EPB41L5: variants seen among roughly 807,000 people sequenced by gnomAD.
EPB41L5 encodes the protein band 4.1-like protein 5.
Under a neutral mutation model 106.6 loss-of-function variants are expected in EPB41L5, and 55 were observed. That is an observed-to-expected ratio of 0.52 (90% CI 0.42 to 0.65). EPB41L5 has a LOEUF of 0.65. EPB41L5 is among the 30% of genes least tolerant of loss of function. The pLI is 0.00. For missense variants in EPB41L5, 871 were observed against 882.1 expected, an observed-to-expected ratio of 0.99 and a Z score of 0.16; for synonymous variants, 297 against 306.7, an observed-to-expected ratio of 0.97 and a Z score of 0.33.
At chr2:120,040,116 TAAA>T (rs200451957) in intron 2 of EPB41L5, among the ~76,000 whole-genome samples, 1 of 150,970 alleles carries the variant, frequency 6.6e-6, no homozygotes, top group South Asian at 2.1e-4. Flanking sequence ...TAATATGTGC[TAAA>T]AAAAAGATGG....
intron 21 of EPB41L5, among the ~76,000 whole-genome samples, chr2:120,164,131 C>T (rs1193879959): frequency 1.3e-5 from 2 of 151,440 alleles, no homozygotes; most frequent in Admixed American, 1.3e-4. Flanking sequence ...TATAGGTGCC[C>T]GCAACCACGC....
chr2:120,063,582 C>A (rs191866800), intron 3 of EPB41L5, among the ~76,000 whole-genome samples: 23 of 152,110 alleles, frequency 1.5e-4, no homozygotes, highest in African/African-American at 5.1e-4. Flanking sequence ...GTATACCAAA[C>A]CCCCATGACA....
chr2:120,133,727 T>C (rs982553073), intron 18 of EPB41L5, among the ~76,000 whole-genome samples: 1 of 152,138 alleles, frequency 6.6e-6, no homozygotes, highest in Non-Finnish European at 1.5e-5. Flanking sequence ...TGTGCTGGGC[T>C]CAGAGCCAGT....
chr2:120,150,002 C>G (rs1055609055), intron 20 of EPB41L5, among the ~76,000 whole-genome samples: 2 of 151,696 alleles, frequency 1.3e-5, no homozygotes, highest in Non-Finnish European at 2.9e-5. Context: ...AAACGATCCT[C>G]CCACCTGAGC....
intron 3 of EPB41L5, among the ~76,000 whole-genome samples, chr2:120,057,051 G>A (rs552103939): frequency 8.8e-4 from 134 of 152,142 alleles, no homozygotes; most frequent in African/African-American, 3.2e-3. Context: ...CACCCACCAC[G>A]CCTGGCTAAT....
chr2:120,042,055 A>C lies in EPB41L5; in HGVS notation c.230A>C (p.Asp77Ala). 6.2e-7 allele frequency: 1 copy of C among 1,613,726 alleles called. No individual in the cohort carries two copies. Among genetic ancestry groups the C allele is most frequent in the Non-Finnish European group, 8.5e-7 (1 of 1,179,706 alleles). ...ELFDQIMYHLDLIESDYFGLR... is the reference protein window; with the variant it reads ...ELFDQIMYHLALIESDYFGLR... ...TTTGATCAGATTATGTACCACCTGGACCTGATTGAAAGCGACTATTTTGGT... is the reference window on the plus strand; with the variant it reads ...TTTGATCAGATTATGTACCACCTGGCCCTGATTGAAAGCGACTATTTTGGT... The change falls in exon 3 of 25, where the codon GAC becomes GCC. Residue 77 changes from aspartate (D) to alanine (A), a missense_variant. By Grantham distance (126) the Asp-to-Ala change is moderately radical. Transcript: ENST00000263713.
At chr2:120,028,716 G>A (rs1345556879) in intron 2 of EPB41L5, among the ~76,000 whole-genome samples, 2 of 152,066 alleles carry the variant, frequency 1.3e-5, no homozygotes, top group Admixed American at 1.3e-4. Flanking sequence ...TGGCGGGAGG[G>A]GAGTGAGGAC....
Position 120,175,436 on chromosome 2 carries a change from A to G in EPB41L5, c.*529A>G, listed in dbSNP as rs1458062847. 6.6e-6 allele frequency: 1 copy of G among 152,228 alleles called. No homozygotes were observed. Among genetic ancestry groups the G allele is most frequent in the East Asian group, 1.9e-4 (1 of 5,230 alleles). The allele number at this position is 152,228 out of a possible 1,614,324, so 9.4% of individuals were successfully genotyped here. A position where few individuals can be genotyped will look rare whatever the true frequency, so the allele number is the denominator to read the frequency against. ...GGGCCAACTTTTTTTTTTTTTTACA[A>G]TTATTACAACACTAAAGAGAAGTTT... On this transcript the variant is annotated 3_prime_UTR_variant, in exon 25 of 25. Coordinates refer to ENST00000263713, the MANE Select transcript of EPB41L5 (RefSeq NM_020909.4).
chr2:120,047,706 G>A (rs1426712294), intron 3 of EPB41L5, among the ~76,000 whole-genome samples: 3 of 152,158 alleles, frequency 2.0e-5, no homozygotes, highest in African/African-American at 4.8e-5. Context: ...ATGTTGAATA[G>A]GAGTGGTGAG....
At chr2:120,084,651 C>T (rs556081254) in intron 10 of EPB41L5, among the ~76,000 whole-genome samples, 4 of 152,174 alleles carry the variant, frequency 2.6e-5, no homozygotes, top group African/African-American at 9.6e-5. Context: ...CTCTGTATTT[C>T]CTGAATTTGA....
chr2:120,134,694 G>T (rs1411857500), intron 18 of EPB41L5, among the ~76,000 whole-genome samples: 1 of 152,216 alleles, frequency 6.6e-6, no homozygotes, highest in Non-Finnish European at 1.5e-5. Flanking sequence ...GACTACCAAG[G>T]CTGTACCTTA....
At chr2:120,088,496 T>G (rs1015362906) in intron 11 of EPB41L5, among the ~76,000 whole-genome samples, 18 of 152,116 alleles carry the variant, frequency 1.2e-4, no homozygotes, top group African/African-American at 4.3e-4. Flanking sequence ...ATAACTGGAC[T>G]TAATACCTGG....
rs1687876648 is a variant in EPB41L5, at chr2:120,175,133, A to G, written c.*226A>G. ...GAGAGTGTTTGGTCTTGAACTTTCT[A>G]TACTTTTATAAATGTTACAAATTCC... On this transcript the variant is annotated 3_prime_UTR_variant, in exon 25 of 25. Transcript: ENST00000263713. The G allele has an allele frequency of 3.9e-6, 2 of 509,304 alleles. No individual in the cohort carries two copies. The highest frequency in any genetic ancestry group is 7.1e-6 in the Non-Finnish European group (2 of 280,552). 31.5% of individuals were successfully genotyped at this position (509,304 alleles called of 1,614,324 possible).
At chr2:120,067,584 T>G (rs1418558763) in intron 3 of EPB41L5, among the ~76,000 whole-genome samples, 1 of 152,226 alleles carries the variant, frequency 6.6e-6, no homozygotes, top group Non-Finnish European at 1.5e-5. Flanking sequence ...TTAGGTCTAT[T>G]TGTGTCATGG....
At position 120,051,169 on chromosome 2, in the gene EPB41L5, C is replaced by T. The variant is rs554053635; in HGVS notation, c.285+9059C>T. 3.3e-5 allele frequency among the ~76,000 whole-genome samples: 5 copies of T among 152,332 alleles called. No homozygotes were observed. In the South Asian group the frequency reaches 1.0e-3, roughly 32 times the overall value. On this transcript the variant is annotated intron_variant, in intron 3 of 24. Transcript: ENST00000263713. ...AAACAGTGTGCTGGGAGAATCACCA[C>T]TCTCTTCAAAGCTGTCAGACAGGGA...
At chr2:120,057,662 A>G (rs1680751335) in intron 3 of EPB41L5, among the ~76,000 whole-genome samples, 1 of 151,754 alleles carries the variant, frequency 6.6e-6, no homozygotes, top group South Asian at 2.1e-4. Context: ...TGTTGGTACA[A>G]CTTTGTTATT....
intron 18 of EPB41L5, among the ~76,000 whole-genome samples, chr2:120,136,010 C>T (rs571825585): frequency 7.9e-6 from 1 of 126,698 alleles, no homozygotes; most frequent in African/African-American, 3.1e-5. Flanking sequence ...AAAAGACTAT[C>T]AAAAATGTAA....
At chr2:120,016,127 C>T (rs1192613094) in intron 1 of EPB41L5, among the ~76,000 whole-genome samples, 1 of 151,894 alleles carries the variant, frequency 6.6e-6, no homozygotes, top group South Asian at 2.1e-4. Flanking sequence ...AAGGAATATG[C>T]ATGTTAAAAT....
intron 24 of EPB41L5, among the ~76,000 whole-genome samples, chr2:120,174,256 G>A (rs1687832454): frequency 6.6e-6 from 1 of 152,172 alleles, no homozygotes; most frequent in Non-Finnish European, 1.5e-5. Flanking sequence ...AGAAGTTTGA[G>A]ACCAGCCTGG....
Sources: gnomAD v4.1 joint callset for allele counts (sites outside exome capture counted in the v4.1 genomes callset) on GRCh38, gnomAD v4.1.1 for gene constraint, MANE v1.5 for transcripts, NCBI Gene and HGNC (gene_info 2026-07-23, HGNC 2026-07-21) for gene names.